Variants in TRAPPC9 observed in about 807,000 individuals in gnomAD.
The protein encoded by TRAPPC9 is trafficking protein particle complex subunit 9, also known as IKK2 binding protein.
Under a neutral mutation model 124.0 loss-of-function variants are expected in TRAPPC9, and 83 were observed. The ratio of observed to expected loss-of-function variants is 0.67; its 90% CI spans 0.56 to 0.80. The LOEUF (loss-of-function observed/expected upper bound fraction) is 0.80, where lower values mean the gene tolerates loss of function less well. Ranked by LOEUF, TRAPPC9 falls within the 30% of genes least tolerant of loss-of-function variation. The pLI is 0.00. For missense variants in TRAPPC9, 1,302 were observed against 1,508.3 expected, an observed-to-expected ratio of 0.86 and a Z score of 2.27; for synonymous variants, 638 against 617.5, an observed-to-expected ratio of 1.03 and a Z score of -0.49.
chr8:140,023,716 G>A (rs549130929), intron 18 of TRAPPC9, among the ~76,000 whole-genome samples: 3 of 152,318 alleles, frequency 2.0e-5, no homozygotes, highest in Admixed American at 1.3e-4. Flanking sequence ...ACAGCACGGC[G>A]TGATATGTAA....
chr8:139,804,292 G>T (rs1450121051), intron 21 of TRAPPC9, among the ~76,000 whole-genome samples: 3 of 54,556 alleles, frequency 5.5e-5, no homozygotes, highest in African/African-American at 2.3e-4. Context: ...ACCCACCACC[G>T]CCACCACACA....
At position 140,097,876 on chromosome 8, in the gene TRAPPC9, A is replaced by C. The variant is rs909951134; in HGVS notation, c.2557-73797T>G. On this transcript the variant is annotated intron_variant, in intron 17 of 22. Coordinates refer to ENST00000438773, the MANE Select transcript of TRAPPC9 (RefSeq NM_001160372.4). The surrounding 1 kb of genome is among the most constrained non-coding windows in gnomAD (Gnocchi z 4.2). ...AGACGTGCCGCAGTCCTACCGGGAA[A>C]GATGCCAGCTCATGTCCTCAATGAG... The C allele has an allele frequency of 6.6e-6, 1 of 152,226 alleles. No homozygotes were observed. Among genetic ancestry groups the C allele is most frequent in the Non-Finnish European group, 1.5e-5 (1 of 68,078 alleles). 9.4% of individuals were successfully genotyped at this position (152,226 alleles called of 1,614,324 possible).
At chr8:140,369,970 T>A (rs1010572807) in intron 8 of TRAPPC9, among the ~76,000 whole-genome samples, 10 of 151,794 alleles carry the variant, frequency 6.6e-5, no homozygotes, top group African/African-American at 2.4e-4. Flanking sequence ...AAAATAAAAA[T>A]AAAAAGGATG....
chr8:140,011,387 T>A (rs1221796950), intron 18 of TRAPPC9, among the ~76,000 whole-genome samples: 2 of 151,458 alleles, frequency 1.3e-5, no homozygotes, highest in South Asian at 4.2e-4. Flanking sequence ...TATATATATT[T>A]AGATGAATTA....
At chr8:140,122,569 T>C (rs1009956135) in intron 17 of TRAPPC9, among the ~76,000 whole-genome samples, 3 of 152,252 alleles carry the variant, frequency 2.0e-5, no homozygotes, top group African/African-American at 7.2e-5. Flanking sequence ...AAGCCTTAGT[T>C]TTCCCTTTCT....
Position 139,873,734 on chromosome 8 carries a change from C to A in TRAPPC9, c.3055+12145G>T, listed in dbSNP as rs139770827. Among the ~76,000 whole-genome samples, 432 of 152,324 alleles carry A rather than the reference C, an allele frequency of 2.8e-3. 3 individuals are homozygous for A. The highest frequency in any genetic ancestry group is 0.017 in the East Asian group (90 of 5,180). ...GCAGCCAGGGGCTGGGAGGACAATTCGTTCCACTTGGCTTCTGTTCTCGGC... is the reference window on the plus strand; with the variant it reads ...GCAGCCAGGGGCTGGGAGGACAATTAGTTCCACTTGGCTTCTGTTCTCGGC... On this transcript the variant is annotated intron_variant, in intron 21 of 22. Transcript: ENST00000438773.
In TRAPPC9 at chr8:139,818,848, C is replaced by T. The variant is rs1038683536; in HGVS notation, c.3055+67031G>A. 3.9e-5 allele frequency among the ~76,000 whole-genome samples: 6 copies of T among 152,204 alleles called. No homozygotes were observed. The East Asian group carries it at 1.2e-3, about 29-fold the overall frequency. On this transcript the variant is annotated intron_variant, in intron 21 of 22. Coordinates refer to ENST00000438773, the MANE Select transcript of TRAPPC9 (RefSeq NM_001160372.4). ...ATTCTATGAGAACCAGGTCAAATGG[C>T]AATACCTAGGGAAAACTTTCCTTGT...
At chr8:140,256,126 T>C (rs1385630131) in intron 15 of TRAPPC9, among the ~76,000 whole-genome samples, 1 of 152,168 alleles carries the variant, frequency 6.6e-6, no homozygotes. Flanking sequence ...ACTGGTCGCT[T>C]TGGTATTTCA....
chr8:140,128,263 C>T (rs1488004991), intron 17 of TRAPPC9, among the ~76,000 whole-genome samples: 3 of 152,204 alleles, frequency 2.0e-5, no homozygotes, highest in Admixed American at 6.5e-5. Flanking sequence ...GTTTCATTTA[C>T]TTTGGAGCAA....
At chr8:140,370,709 C>T (rs1371680609) in intron 8 of TRAPPC9, among the ~76,000 whole-genome samples, 1 of 152,208 alleles carries the variant, frequency 6.6e-6, no homozygotes, top group African/African-American at 2.4e-5. Context: ...GATGATGACA[C>T]ACCATGCCAA....
chr8:140,272,172 T>C (rs925809548), intron 15 of TRAPPC9, among the ~76,000 whole-genome samples: 1 of 146,856 alleles, frequency 6.8e-6, no homozygotes, highest in Admixed American at 6.8e-5. Flanking sequence ...GCAGTGGTTA[T>C]AGTGGTGGTG....
chr8:139,736,442 G>GGGCAGCCCCTACAGCTCC (rs1384987636), intron 21 of TRAPPC9, among the ~76,000 whole-genome samples: 11 of 152,164 alleles, frequency 7.2e-5, no homozygotes, highest in Non-Finnish European at 2.9e-5. Flanking sequence ...TCCACAGCTG[G>GGGCAGCCCCTACAGCTCC]GGCAGCCCCT....
intron 19 of TRAPPC9, among the ~76,000 whole-genome samples, chr8:139,923,557 A>C (rs4736118): frequency 0.69 from 104,619 of 151,164 alleles, 37,624 homozygotes; most frequent in African/African-American, 0.92. Flanking sequence ...CTCCACCTGG[A>C]AAAATTCTCC....
At chr8:139,886,351 A>T (rs1481402496) in intron 20 of TRAPPC9, among the ~76,000 whole-genome samples, 1 of 152,222 alleles carries the variant, frequency 6.6e-6, no homozygotes, top group Non-Finnish European at 1.5e-5. Flanking sequence ...GAGTTCTTTG[A>T]CACGCGTCAG....
chr8:140,279,981 C>G (rs1344657115), intron 14 of TRAPPC9, among the ~76,000 whole-genome samples: 6 of 152,368 alleles, frequency 3.9e-5, no homozygotes, highest in Admixed American at 2.6e-4. Flanking sequence ...CTGGCCGGAG[C>G]TTGCTAAGCT....
intron 16 of TRAPPC9, among the ~76,000 whole-genome samples, chr8:140,228,558 G>A (rs948571101): frequency 3.3e-5 from 5 of 152,222 alleles, no homozygotes; most frequent in Non-Finnish European, 7.3e-5. Flanking sequence ...TTCCCCATGG[G>A]CAGCCTCACT....
intron 11 of TRAPPC9, 77 bp from the exon 12 acceptor site, chr8:140,291,155 C>T: frequency 7.5e-7 from 1 of 1,334,092 alleles, no homozygotes; most frequent in Non-Finnish European, 1.1e-6. Flanking sequence ...TCCAATTATT[C>T]CTCTGGCAAT....
chr8:140,210,391 C>T (rs1198328436), intron 17 of TRAPPC9, among the ~76,000 whole-genome samples: 2 of 152,218 alleles, frequency 1.3e-5, no homozygotes, highest in Non-Finnish European at 2.9e-5. Context: ...AAGTGAGCAT[C>T]GGAAAATGCT....
Position 139,922,198 on chromosome 8 carries a change from G to A in TRAPPC9, c.2811-11898C>T, listed in dbSNP as rs556953038. Among the ~76,000 whole-genome samples, 7 of 134,720 alleles carry A rather than the reference G, an allele frequency of 5.2e-5. No individual in the cohort carries two copies. In the East Asian group the frequency reaches 1.3e-3, roughly 25 times the overall value. The allele number at this position is 134,720 out of a possible 152,430, so 88.4% of individuals were successfully genotyped here. On this transcript the variant is annotated intron_variant, in intron 19 of 22. Coordinates refer to ENST00000438773, the MANE Select transcript of TRAPPC9 (RefSeq NM_001160372.4). ...AATGGTTTGGTGTTTTTTTTTTTTT[G>A]GATGGAGTCTTGCTCTGTTGACTAG...
Sources: gnomAD v4.1 joint callset for allele counts (sites outside exome capture counted in the v4.1 genomes callset) on GRCh38, gnomAD v4.1.1 for gene constraint, Gnocchi (gnomAD v3.1) non-coding constraint, MANE v1.5 for transcripts, NCBI Gene and HGNC (gene_info 2026-07-23, HGNC 2026-07-21) for gene names.